EPHA3: variants seen among roughly 807,000 people sequenced by gnomAD.
The protein encoded by EPHA3 is ephrin type-A receptor 3.
A neutral mutation model predicts 107.1 loss-of-function variants in EPHA3; 42 were observed. That is an observed-to-expected ratio of 0.39 (90% confidence interval 0.31 to 0.51). EPHA3 has a LOEUF of 0.51. EPHA3 is among the 20% of genes least tolerant of loss of function. The probability of loss-of-function intolerance (pLI) is 0.78; values close to 1 mark genes in which losing one functional copy is unlikely to be tolerated. For missense variants in EPHA3, 1,183 were observed against 1,211.2 expected, an observed-to-expected ratio of 0.98 and a Z score of 0.35; for synonymous variants, 461 against 424.8, an observed-to-expected ratio of 1.09 and a Z score of -1.05.
At chr3:89,154,309 C>A (rs573924497) in intron 2 of EPHA3, among the ~76,000 whole-genome samples, 1 of 149,430 alleles carries the variant, frequency 6.7e-6, no homozygotes, top group African/African-American at 2.5e-5. Context: ...ATTCTTTGGA[C>A]GCATAAAAAG....
intron 3 of EPHA3, among the ~76,000 whole-genome samples, chr3:89,238,060 A>G (rs751525871): frequency 3.9e-5 from 6 of 152,090 alleles, no homozygotes; most frequent in Non-Finnish European, 7.4e-5. Context: ...CTCTCAGTAT[A>G]TTAATGTCGA....
intron 2 of EPHA3, among the ~76,000 whole-genome samples, chr3:89,204,608 ATGTGTGTGTG>A (rs71621535): frequency 6.7e-6 from 1 of 148,658 alleles, no homozygotes; most frequent in Non-Finnish European, 1.5e-5. Flanking sequence ...CTGTGTGTAA[ATGTGTGTGTG>A]TGTGTGTGTG....
intron 5 of EPHA3, among the ~76,000 whole-genome samples, chr3:89,372,464 G>GAA (rs550340627): frequency 2.8e-5 from 4 of 144,286 alleles, no homozygotes; most frequent in Non-Finnish European, 4.6e-5. Flanking sequence ...CCTTCTAATT[G>GAA]AAAAAAAAAA....
intron 15 of EPHA3, among the ~76,000 whole-genome samples, chr3:89,458,336 A>G (rs753255630): frequency 3.9e-5 from 6 of 152,166 alleles, no homozygotes; most frequent in Non-Finnish European, 8.8e-5. Context: ...AGAATGTGAA[A>G]TGGTAGGTAG....
At chr3:89,111,600 A>G (rs1336766512) in intron 1 of EPHA3, among the ~76,000 whole-genome samples, 2 of 147,716 alleles carry the variant, frequency 1.4e-5, no homozygotes, top group Non-Finnish European at 3.0e-5. Context: ...CACAACAGTT[A>G]ACACTTGACC....
intron 3 of EPHA3, among the ~76,000 whole-genome samples, chr3:89,267,501 A>G (rs1210299731): frequency 1.3e-5 from 2 of 152,150 alleles, no homozygotes; most frequent in African/African-American, 4.8e-5. Context: ...TGACTGACAC[A>G]AGTCACAGCC....
intron 3 of EPHA3, among the ~76,000 whole-genome samples, chr3:89,219,075 C>T (rs1170381484): frequency 6.6e-6 from 1 of 152,154 alleles, no homozygotes; most frequent in African/African-American, 2.4e-5. Context: ...TCATAATCTG[C>T]TTCTAAAGTG....
chr3:89,230,774 C>CCAAT (rs1446658895), intron 3 of EPHA3, among the ~76,000 whole-genome samples: 1 of 148,500 alleles, frequency 6.7e-6, no homozygotes, highest in Non-Finnish European at 1.5e-5. Flanking sequence ...GTTCCACTTC[C>CCAAT]CAATATACAT....
At chr3:89,236,631 A>G (rs1704770319) in intron 3 of EPHA3, among the ~76,000 whole-genome samples, 1 of 150,908 alleles carries the variant, frequency 6.6e-6, no homozygotes, top group African/African-American at 2.4e-5. Context: ...ACCTAATGCT[A>G]GAGGACGAGT....
chr3:89,157,145 A>G (rs1704825895), intron 2 of EPHA3, among the ~76,000 whole-genome samples: 1 of 152,040 alleles, frequency 6.6e-6, no homozygotes, highest in Non-Finnish European at 1.5e-5. Flanking sequence ...TGTACTGGGA[A>G]AGAAGCCAGG....
At chr3:89,368,281 C>G (rs1324358575) in intron 5 of EPHA3, among the ~76,000 whole-genome samples, 1 of 150,086 alleles carries the variant, frequency 6.7e-6, no homozygotes, top group African/African-American at 2.4e-5. Context: ...TTATTTAAAG[C>G]AATCTTCATT....
At chr3:89,341,295 C>T (rs1394529833) in intron 4 of EPHA3, among the ~76,000 whole-genome samples, 1 of 152,180 alleles carries the variant, frequency 6.6e-6, no homozygotes, top group African/African-American at 2.4e-5. Context: ...ACACAACCCC[C>T]TGAAAGAGAG....
At chr3:89,144,901 C>G (rs1451927086) in intron 2 of EPHA3, among the ~76,000 whole-genome samples, 1 of 151,572 alleles carries the variant, frequency 6.6e-6, no homozygotes, top group African/African-American at 2.4e-5. Flanking sequence ...GTTTATTGAC[C>G]TACTTTAGTT....
At chr3:89,315,257 A>G (rs1706867624) in intron 3 of EPHA3, among the ~76,000 whole-genome samples, 1 of 151,796 alleles carries the variant, frequency 6.6e-6, no homozygotes, top group East Asian at 1.9e-4. Flanking sequence ...TACTTATTCC[A>G]TTTGTTAAAA....
rs776875895 is a variant in EPHA3 at position 89,472,486 on chromosome 3, C to G, written c.2713C>G (p.Gln905Glu). Residue 905 changes from glutamine to glutamate, a missense_variant, in exon 16 of 17, where the codon CAA becomes GAA. Gln to Glu is a conservative substitution (Grantham distance 29). Coordinates refer to ENST00000336596, the MANE Select transcript of EPHA3 (RefSeq NM_005233.6). ...AARPSNLLLD[Q>E]SNVDITTFRT... The stretch of plus-strand genomic sequence containing the variant: ...CAGGCCATCAAACCTTCTTCTGGAC[C>G]AAAGCAATGTGGATATCACTACCTT... The G allele has an allele frequency of 1.2e-6, 2 of 1,613,682 alleles. No homozygotes were observed. The highest frequency in any genetic ancestry group is 8.5e-7 in the Non-Finnish European group (1 of 1,179,800).
At chr3:89,208,445 A>AGAAG (rs1706170830) in intron 2 of EPHA3, among the ~76,000 whole-genome samples, 1 of 126,976 alleles carries the variant, frequency 7.9e-6, no homozygotes, top group Admixed American at 7.5e-5. Context: ...AAAGAAAGAA[A>AGAAG]GAAAGAAAGA....
intron 3 of EPHA3, among the ~76,000 whole-genome samples, chr3:89,308,610 T>C (rs961211191): frequency 8.5e-5 from 13 of 152,096 alleles, no homozygotes; most frequent in African/African-American, 2.6e-4. Flanking sequence ...GAATTTTTTT[T>C]TTTTTTTAGT....
chr3:89,398,968 A>G lies in EPHA3; in HGVS notation c.1432-350A>G, dbSNP rs1385982609. Among the ~76,000 whole-genome samples the G allele has an allele frequency of 8.5e-5, 13 of 152,202 alleles. No homozygotes were observed. In the South Asian group the frequency reaches 2.5e-3, roughly 29 times the overall value. ...AACATGGTGAAACCTCGTCTCTACT[A>G]AAAATACAAAAATTACCTGGGAGTG... is the stretch of plus-strand genomic sequence containing the variant. On this transcript the variant is annotated intron_variant, in intron 6 of 16. Transcript: ENST00000336596.
chr3:89,411,959 A>G (rs761881757), intron 9 of EPHA3, among the ~76,000 whole-genome samples: 5 of 151,946 alleles, frequency 3.3e-5, no homozygotes, highest in African/African-American at 4.8e-5. Context: ...ATATTTCACT[A>G]TTAAGTATCC....
Sources: gnomAD v4.1 joint callset for allele counts (sites outside exome capture counted in the v4.1 genomes callset) on GRCh38, gnomAD v4.1.1 for gene constraint, MANE v1.5 for transcripts, NCBI Gene and HGNC (gene_info 2026-07-23, HGNC 2026-07-21) for gene names.